Variants in PITRM1 observed in about 807,000 individuals in gnomAD.
The protein encoded by PITRM1 is presequence protease, mitochondrial.
In PITRM1, 100 loss-of-function variants were observed where a neutral mutation model predicts 129.9. That is an observed-to-expected ratio of 0.77 (90% CI 0.65 to 0.91). The LOEUF is 0.91. Ranked by LOEUF, PITRM1 falls within the 40% of genes least tolerant of loss-of-function variation. PITRM1 has a pLI of 0.00. For missense variants in PITRM1, 1,471 were observed against 1,318.3 expected, an observed-to-expected ratio of 1.12 and a Z score of -1.79; for synonymous variants, 591 against 508.8, an observed-to-expected ratio of 1.16 and a Z score of -2.17.
At position 3,137,788 on chromosome 10, in the gene PITRM1, G is replaced by T; in HGVS notation, c.*243C>A. The T allele has an allele frequency of 3.8e-6, 2 of 523,520 alleles. No individual in the cohort carries two copies. The allele number at this position is 523,520 out of a possible 1,614,324, so 32.4% of individuals were successfully genotyped here. On this transcript the variant is annotated 3_prime_UTR_variant, in exon 27 of 27. Transcript: ENST00000224949. Reference sequence around the variant, plus strand: ...AATATTCTAGAATGAGGTAAAACGAGCCTGCCAGTACAAAGTGAAAATTCT... The same window carrying T: ...AATATTCTAGAATGAGGTAAAACGATCCTGCCAGTACAAAGTGAAAATTCT...
Position 3,137,923 on chromosome 10 carries a change from A to G in PITRM1, c.*108T>C, listed in dbSNP as rs1839702020. On this transcript the variant is annotated 3_prime_UTR_variant, in exon 27 of 27. Transcript: ENST00000224949. ...CTCGCCAGTCAAGGGCTTTGGCGAC[A>G]CTCAATGACATAATATTCTTGGAAA... 4.4e-6 allele frequency: 3 copies of G among 686,324 alleles called. No individual in the cohort carries two copies. The highest frequency in any genetic ancestry group is 2.6e-5 in the Admixed American group (1 of 38,170). The allele number at this position is 686,324 out of a possible 1,614,324, so 42.5% of individuals were successfully genotyped here. A position where few individuals can be genotyped will look rare whatever the true frequency, so the allele number is the denominator to read the frequency against.
chr10:3,170,698 T>C (rs1234599798), intron 1 of PITRM1, among the ~76,000 whole-genome samples: 1 of 152,138 alleles, frequency 6.6e-6, no homozygotes, highest in Non-Finnish European at 1.5e-5. Context: ...TTGGCATTCT[T>C]TAGAAAGGCT....
chr10:3,148,321 T>A, intron 16 of PITRM1, 30 bp from the exon 17 acceptor site: 1 of 1,568,192 alleles, frequency 6.4e-7, no homozygotes, highest in South Asian at 1.2e-5. Context: ...TCGCCCCGAT[T>A]ACAAGTCAGT....
intron 20 of PITRM1, chr10:3,146,652 T>G (rs1480948023): frequency 6.6e-6 from 1 of 152,662 alleles, no homozygotes; most frequent in Non-Finnish European, 1.5e-5. Flanking sequence ...TCAGCAAACA[T>G]TTTCTTGTTA....
intron 11 of PITRM1, 74 bp downstream of exon 11, chr10:3,157,966 C>CA: frequency 1.1e-6 from 1 of 890,142 alleles, no homozygotes; most frequent in Non-Finnish European, 1.9e-6. Flanking sequence ...AACAATGGAT[C>CA]AGGCTCAGCT....
chr10:3,161,309 A>T (rs1217384901), intron 7 of PITRM1, among the ~76,000 whole-genome samples: 1 of 152,238 alleles, frequency 6.6e-6, no homozygotes, highest in Non-Finnish European at 1.5e-5. Flanking sequence ...TGACAATTTC[A>T]CAAAACTCAA....
intron 7 of PITRM1, among the ~76,000 whole-genome samples, chr10:3,162,954 A>T (rs1842571215): frequency 6.6e-6 from 1 of 152,142 alleles, no homozygotes; most frequent in African/African-American, 2.4e-5. Context: ...TATTCTATTA[A>T]AACTGAAAAT....
intron 24 of PITRM1, among the ~76,000 whole-genome samples, chr10:3,140,122 T>C (rs895182080): frequency 2.6e-5 from 4 of 152,196 alleles, no homozygotes; most frequent in African/African-American, 7.2e-5. Flanking sequence ...TGCAGCAAGA[T>C]ATTAACAAAA....
At position 3,137,794 on chromosome 10, in the gene PITRM1, C is replaced by G. The variant is rs1205770652; in HGVS notation, c.*237G>C. On this transcript the variant is annotated 3_prime_UTR_variant, in exon 27 of 27. Transcript: ENST00000224949. ...CTAGAATGAGGTAAAACGAGCCTGC[C>G]AGTACAAAGTGAAAATTCTACATGG... 4 of 533,846 alleles carry G rather than the reference C, an allele frequency of 7.5e-6. No homozygotes were observed. The highest frequency in any genetic ancestry group is 1.9e-5 in the African/African-American group (1 of 52,316). 33.1% of individuals were successfully genotyped at this position (533,846 alleles called of 1,614,324 possible).
At chr10:3,151,172 C>T in intron 15 of PITRM1, 75 bp downstream of exon 15, 2 of 811,254 alleles carry the variant, frequency 2.5e-6, no homozygotes, top group Non-Finnish European at 4.2e-6. Context: ...CATGACTCTA[C>T]TGCTTCTGTG....
At chr10:3,143,164 A>G (rs1840435633) in intron 23 of PITRM1, 1 of 560,986 alleles carries the variant, frequency 1.8e-6, no homozygotes, top group Non-Finnish European at 3.2e-6. Context: ...GGACTCCTCA[A>G]TAATAGAAAT....
At position 3,147,612 on chromosome 10, in the gene PITRM1, G is replaced by A. The variant is rs1470944868; in HGVS notation, c.2195C>T (p.Pro732Leu). 5 of 1,613,952 alleles carry A rather than the reference G, an allele frequency of 3.1e-6. No individual in the cohort carries two copies. The highest frequency in any genetic ancestry group is 4.2e-6 in the Non-Finnish European group (5 of 1,179,910). ...GAAGGTCTCCTGCAGGTCCCCTGCG[G>A]GCGTGAGGGTCCGGCCTGCCCTGAT... is the stretch of plus-strand genomic sequence containing the variant. Reference protein sequence around the residue: ...ASIRAGRTLTPAGDLQETFSG... With the variant: ...ASIRAGRTLTLAGDLQETFSG... The change falls in exon 19 of 27, where the codon CCC (proline) becomes CTC (leucine). Residue 732 changes from proline (P) to leucine (L), a missense_variant. Transcript: ENST00000224949.
chr10:3,155,791 C>T lies in PITRM1; in HGVS notation c.1483-62G>A, dbSNP rs1173837470. ...AACAAGATCTTACTATATCCTAACA[C>T]TCAACAAGCTTCTGCTGGTGTGTTC... On this transcript the variant is annotated intron_variant, in intron 13 of 26. Transcript: ENST00000224949. 4 of 1,573,776 alleles carry T rather than the reference C, an allele frequency of 2.5e-6. No homozygotes were observed. In the East Asian group the frequency reaches 6.8e-5, roughly 27 times the overall value.
At chr10:3,172,283 C>A (rs1252257670) in intron 1 of PITRM1, 1 of 475,680 alleles carries the variant, frequency 2.1e-6, no homozygotes, top group Non-Finnish European at 4.2e-6. Flanking sequence ...CAGTTCAATT[C>A]CGGGAGGCGT....
chr10:3,151,510 TCTC>T (rs1211511242), intron 14 of PITRM1, 147 bp from the exon 15 acceptor site: 2 of 610,674 alleles, frequency 3.3e-6, no homozygotes, highest in Admixed American at 5.2e-5. Context: ...TTGCAAAGTA[TCTC>T]CTATTTCCAG....
At position 3,147,253 on chromosome 10, in the gene PITRM1, A is replaced by G. The variant is rs1840980201; in HGVS notation, c.2236-3T>C. The G allele has an allele frequency of 1.9e-6, 3 of 1,605,988 alleles. No individual in the cohort carries two copies. Among genetic ancestry groups the G allele is most frequent in the African/African-American group, 2.7e-5 (2 of 74,726 alleles). On this transcript the variant is annotated splice_polypyrimidine_tract_variant and splice_region_variant and intron_variant, in intron 19 of 26. Coordinates refer to ENST00000224949, the MANE Select transcript of PITRM1 (RefSeq NM_014889.4). ...GCAATCCTCTTCATCAGCCGCACCT[A>G]AGCCAGAGGAAACTCGCTCAGAGAG...
chr10:3,140,311 G>A (rs1715938132), intron 24 of PITRM1, among the ~76,000 whole-genome samples: 2 of 152,118 alleles, frequency 1.3e-5, no homozygotes, highest in South Asian at 2.1e-4. Context: ...TTAGAAGAAT[G>A]GTGTACAATT....
rs1240095674 is a variant in PITRM1, at chr10:3,148,261, C to G, written c.1902G>C (p.Glu634Asp). The G allele has an allele frequency of 6.2e-7, 1 of 1,613,528 alleles. No individual in the cohort carries two copies. The highest frequency in any genetic ancestry group is 1.1e-5 in the South Asian group (1 of 91,052). The change falls in exon 17 of 27, where the codon GAG becomes GAC. Residue 634 changes from glutamate (E) to aspartate (D), a missense_variant. Physicochemically the swap from Glu to Asp is conservative, Grantham distance 45. Coordinates refer to ENST00000224949, the MANE Select transcript of PITRM1 (RefSeq NM_014889.4). ...KLGCGLLDYR[E>D]QAQQIELKTG... The stretch of plus-strand genomic sequence containing the variant: ...TCTTCAATTCTATCTGCTGAGCCTG[C>G]TCCCGGTAGTCAAGAAGGCCGCAGC...
rs562030270 is a variant in PITRM1, at chr10:3,168,439, T to C, written c.160-1397A>G. Among the ~76,000 whole-genome samples, 81 of 152,044 alleles carry C rather than the reference T, an allele frequency of 5.3e-4. 1 individual carries two copies. Among genetic ancestry groups the C allele is most frequent in the Admixed American group, 1.4e-3 (21 of 15,306 alleles). ...CGTAAGTTTCTATGGCTGGACACAG[T>C]GGCTCACACCTATAATCCCAGCACT... On this transcript the variant is annotated intron_variant, in intron 2 of 26. Coordinates refer to ENST00000224949, the MANE Select transcript of PITRM1 (RefSeq NM_014889.4).
Sources: allele counts gnomAD v4.1 joint callset (sites outside exome capture counted in the v4.1 genomes callset), GRCh38; gene constraint gnomAD v4.1.1; transcripts MANE v1.5; gene names NCBI Gene and HGNC (gene_info 2026-07-23, HGNC 2026-07-21).